Variants in KIAA1217 observed in about 807,000 individuals in gnomAD.
KIAA1217 encodes the protein KIAA1217.
In KIAA1217, 88 loss-of-function variants were observed where a neutral mutation model predicts 163.9. The observed-to-expected ratio is 0.54, with a 90% confidence interval of 0.45 to 0.64. The LOEUF is 0.64. Among genes scored for constraint, KIAA1217 ranks in the 30% least tolerant of loss-of-function variants. The pLI, the probability that KIAA1217 is intolerant of heterozygous loss-of-function variation, is 0.00. For synonymous variants in KIAA1217, 903 were observed against 923.1 expected (o/e 0.98, Z 0.39); for missense variants, 2,372 against 2,475.0 (o/e 0.96, Z 0.88).
intron 3 of KIAA1217, among the ~76,000 whole-genome samples, chr10:24,389,859 C>G (rs146832347): frequency 7.9e-5 from 12 of 152,168 alleles, no homozygotes; most frequent in African/African-American, 2.9e-4. Flanking sequence ...TTGCCAAGCT[C>G]CCAGGGCACG....
intron 2 of KIAA1217, among the ~76,000 whole-genome samples, chr10:24,146,502 A>G (rs956103227): frequency 6.6e-6 from 1 of 152,170 alleles, no homozygotes; most frequent in Admixed American, 6.5e-5. Flanking sequence ...CCTGGGCAAC[A>G]TGACGAAACC....
intron 1 of KIAA1217, among the ~76,000 whole-genome samples, chr10:23,971,170 G>A (rs537442723): frequency 6.6e-5 from 10 of 152,180 alleles, no homozygotes; most frequent in Admixed American, 2.6e-4. Context: ...GGGAGGGGCC[G>A]CGTGCACAGT....
rs76424418 is a variant in KIAA1217 at position 23,998,774 on chromosome 10, T to C, written c.-320-8451T>C. ...TTCTCATAAGCAGAGGGCCTTTGCA[T>C]TGCATTGAAAATACTTTGATTCTGT... is the stretch of plus-strand genomic sequence containing the variant. On this transcript the variant is annotated intron_variant, in intron 1 of 18. Coordinates refer to the KIAA1217 transcript ENST00000376462. 6.8e-4 allele frequency among the ~76,000 whole-genome samples: 103 copies of C among 152,356 alleles called. No individual in the cohort carries two copies. In the East Asian group the frequency reaches 0.016, roughly 23 times the overall value.
At chr10:23,823,484 G>A (rs1837723170) in intron 1 of KIAA1217, among the ~76,000 whole-genome samples, 1 of 152,094 alleles carries the variant, frequency 6.6e-6, no homozygotes, top group Admixed American at 6.5e-5. Context: ...CACCTTTAAG[G>A]GCTCATGTAA....
intron 1 of KIAA1217, among the ~76,000 whole-genome samples, chr10:23,919,073 G>A (rs778093507): frequency 2.0e-5 from 3 of 152,104 alleles, no homozygotes; most frequent in Non-Finnish European, 2.9e-5. Context: ...AAATGGAAAT[G>A]ACTCCCCCAT....
intron 5 of KIAA1217, 88 bp from the exon 6 acceptor site, chr10:24,473,140 G>A: frequency 1.1e-6 from 1 of 875,414 alleles, no homozygotes; most frequent in Non-Finnish European, 1.8e-6. Context: ...TATACATCTT[G>A]CAGGGGAAGT....
Position 24,516,354 on chromosome 10 carries a change from C to G in KIAA1217, c.2177+2920C>G, listed in dbSNP as rs1257484371. Among the ~76,000 whole-genome samples the G allele has an allele frequency of 2.6e-5, 4 of 152,362 alleles. No individual in the cohort carries two copies. The Middle Eastern group carries it at 0.014, about 518-fold the overall frequency. ...GACTTCCTGTATCTTAGACCATACT[C>G]AGGCCTCACATACCTGCTTGATGCC... is the stretch of plus-strand genomic sequence containing the variant. On this transcript the variant is annotated intron_variant, in intron 10 of 20. Coordinates refer to ENST00000376454, the MANE Select transcript of KIAA1217 (RefSeq NM_019590.5).
At chr10:24,541,266 C>T (rs2135426851) in intron 17 of KIAA1217, among the ~76,000 whole-genome samples, 1 of 151,678 alleles carries the variant, frequency 6.6e-6, no homozygotes, top group East Asian at 1.9e-4. Flanking sequence ...ATTTAAAATC[C>T]CACAAAAGAA....
At chr10:24,430,461 G>T (rs2059513897) in intron 3 of KIAA1217, among the ~76,000 whole-genome samples, 1 of 152,220 alleles carries the variant, frequency 6.6e-6, no homozygotes, top group Admixed American at 6.5e-5. Flanking sequence ...TCCATGGACA[G>T]GGTTAGGGGG....
At chr10:23,812,873 T>A (rs1837137664) in intron 1 of KIAA1217, among the ~76,000 whole-genome samples, 2 of 152,320 alleles carry the variant, frequency 1.3e-5, no homozygotes, top group South Asian at 4.1e-4. Flanking sequence ...TGTTTCCATT[T>A]CTTGGCTATT....
At chr10:24,334,729 G>A (rs994884474) in intron 2 of KIAA1217, among the ~76,000 whole-genome samples, 1 of 152,150 alleles carries the variant, frequency 6.6e-6, no homozygotes. Context: ...ACAGTGTTTG[G>A]CACATAGTCA....
chr10:23,794,519 T>C (rs1331080135), intron 1 of KIAA1217, among the ~76,000 whole-genome samples: 1 of 152,224 alleles, frequency 6.6e-6, no homozygotes, highest in Admixed American at 6.5e-5. Context: ...AATATTTTCA[T>C]TTAGCTGACA....
chr10:23,894,148 G>A (rs1841562247), intron 1 of KIAA1217, among the ~76,000 whole-genome samples: 2 of 148,278 alleles, frequency 1.3e-5, no homozygotes, highest in South Asian at 2.1e-4. Context: ...AGGGCAATTA[G>A]GCAGGAGAAG....
chr10:24,472,974 T>C (rs976658185), intron 5 of KIAA1217, among the ~76,000 whole-genome samples: 5 of 152,194 alleles, frequency 3.3e-5, no homozygotes, highest in African/African-American at 1.2e-4. Flanking sequence ...TGGAGCTGAT[T>C]TCCCTGCCTC....
At chr10:24,255,461 A>T in intron 2 of KIAA1217, 1 of 454,350 alleles carries the variant, frequency 2.2e-6, no homozygotes, top group Non-Finnish European at 4.4e-6. Flanking sequence ...CAGAACATTA[A>T]AGGTCTGGCT....
intron 2 of KIAA1217, among the ~76,000 whole-genome samples, chr10:24,020,824 C>T (rs936121743): frequency 6.6e-6 from 1 of 151,858 alleles, no homozygotes; most frequent in Admixed American, 6.6e-5. Context: ...CAGATTAATT[C>T]CTAGCAAGTT....
At position 24,279,289 on chromosome 10, in the gene KIAA1217, T is replaced by TAAAA. The variant is rs1564394972; in HGVS notation, c.354+59384_354+59387dup. On this transcript the variant is annotated intron_variant, in intron 2 of 20. Transcript: ENST00000376454. ...GTTTTTGTTTGTTTGTTTTTTTTTTTAAAAAAAGATCTGCAGAGGCTATTG... is the reference window on the plus strand; with the variant it reads ...GTTTTTGTTTGTTTGTTTTTTTTTTTAAAAAAAAAAAGATCTGCAGAGGCTATTG... 1.2e-3 allele frequency among the ~76,000 whole-genome samples: 185 copies of TAAAA among 151,632 alleles called. 1 individual carries two copies. The highest frequency in any genetic ancestry group is 4.4e-3 in the African/African-American group (183 of 41,400).
At chr10:24,050,520 T>C (rs771361417) in intron 2 of KIAA1217, among the ~76,000 whole-genome samples, 49 of 152,196 alleles carry the variant, frequency 3.2e-4, no homozygotes, top group Admixed American at 8.5e-4. Context: ...GTTTTCTGCA[T>C]ATGGCTAGCC....
At chr10:24,207,282 T>TCACACACACACACACACA (rs71397934), upstream of KIAA1217, among the ~76,000 whole-genome samples, 41 of 140,232 alleles carry the variant, frequency 2.9e-4, no homozygotes, top group African/African-American at 7.2e-4. Context: ...TCTCTCTCTC[T>TCACACACACACACACACA]CACACACACA....
Sources: allele counts gnomAD v4.1 joint callset (sites outside exome capture counted in the v4.1 genomes callset), GRCh38; gene constraint gnomAD v4.1.1; transcripts MANE v1.5; gene names NCBI Gene and HGNC (gene_info 2026-07-23, HGNC 2026-07-21).